Variants in OPN5 observed in about 807,000 individuals in gnomAD.
OPN5 encodes opsin-5.
In OPN5, 18 loss-of-function variants were observed where a neutral mutation model predicts 41.7. The ratio of observed to expected loss-of-function variants is 0.43; its 90% CI spans 0.30 to 0.64. The LOEUF (loss-of-function observed/expected upper bound fraction) is 0.64, where lower values mean the gene tolerates loss of function less well. Ranked by LOEUF, OPN5 falls within the 30% of genes least tolerant of loss-of-function variation. The pLI, the probability that OPN5 is intolerant of heterozygous loss-of-function variation, is 0.13. For missense variants in OPN5, 318 were observed against 434.5 expected (o/e 0.73, Z 2.38); for synonymous variants, 178 against 164.3 (o/e 1.08, Z -0.64).
chr6:47,786,712 C>A, intron 2 of OPN5, 78 bp downstream of exon 2: 1 of 1,248,280 alleles, frequency 8.0e-7, no homozygotes, highest in Non-Finnish European at 1.1e-6. Flanking sequence ...TCAAACGTCA[C>A]CCCCTGACAT....
downstream of OPN5, chr6:47,826,260 C>G (rs1324541311): frequency 6.6e-6 from 1 of 152,044 alleles, no homozygotes; most frequent in Admixed American, 6.6e-5. Flanking sequence ...CGAATGAGAT[C>G]CTGGGATTTC....
chr6:47,789,731 G>A (rs373698812), intron 2 of OPN5, among the ~76,000 whole-genome samples: 1 of 152,166 alleles, frequency 6.6e-6, no homozygotes, highest in Non-Finnish European at 1.5e-5. Flanking sequence ...GAACTAACAG[G>A]AACTCCTGAA....
chr6:47,784,251 G>A (rs1025405082), intron 1 of OPN5, among the ~76,000 whole-genome samples: 4 of 151,954 alleles, frequency 2.6e-5, no homozygotes, highest in African/African-American at 9.7e-5. Flanking sequence ...ACTTGGCCGT[G>A]TGTCTGGTTT....
intron 4 of OPN5, among the ~76,000 whole-genome samples, chr6:47,799,613 C>T (rs181394930): frequency 8.8e-4 from 134 of 152,302 alleles, no homozygotes; most frequent in African/African-American, 3.0e-3. Flanking sequence ...CCCACCCTTC[C>T]GCTGCAACCC....
chr6:47,822,168 A>G (rs1475654038), intron 6 of OPN5, among the ~76,000 whole-genome samples: 1 of 151,788 alleles, frequency 6.6e-6, no homozygotes, highest in Non-Finnish European at 1.5e-5. Flanking sequence ...TATACACTCC[A>G]CAGTTTGAGA....
chr6:47,797,249 C>A (rs1347823188), intron 4 of OPN5, among the ~76,000 whole-genome samples: 1 of 152,072 alleles, frequency 6.6e-6, no homozygotes, highest in Non-Finnish European at 1.5e-5. Flanking sequence ...GTAGAGGAAG[C>A]TTTGAGGGAT....
intron 6 of OPN5, among the ~76,000 whole-genome samples, chr6:47,813,087 A>T (rs942717420): frequency 1.5e-5 from 2 of 132,956 alleles, no homozygotes; most frequent in Non-Finnish European, 3.3e-5. Flanking sequence ...CAACAACAAC[A>T]ACAACAACAA....
At chr6:47,810,207 G>A (rs550855792) in intron 5 of OPN5, among the ~76,000 whole-genome samples, 9 of 152,252 alleles carry the variant, frequency 5.9e-5, no homozygotes, top group African/African-American at 1.2e-4. Context: ...GTCAGCTTTC[G>A]GGGAAAAAGC....
chr6:47,818,168 A>G (rs1236312903), intron 6 of OPN5, among the ~76,000 whole-genome samples: 1 of 152,162 alleles, frequency 6.6e-6, no homozygotes, highest in African/African-American at 2.4e-5. Flanking sequence ...TACACATCCA[A>G]ATGAATAAAA....
At chr6:47,793,241 T>C (rs1773443073) in intron 3 of OPN5, among the ~76,000 whole-genome samples, 1 of 152,196 alleles carries the variant, frequency 6.6e-6, no homozygotes, top group African/African-American at 2.4e-5. Context: ...TAAACCCTGA[T>C]ACCTCTGTTT....
At chr6:47,795,464 C>T (rs375529102) in exon 4 of OPN5, 149 of 1,613,848 alleles carry the variant, frequency 9.2e-5, no homozygotes, top group East Asian at 3.8e-4. Context: ...TGTTCTCCTA[C>T]GTAAAGATCA....
chr6:47,806,919 A>C (rs1019843619), intron 4 of OPN5, among the ~76,000 whole-genome samples: 1 of 152,132 alleles, frequency 6.6e-6, no homozygotes, highest in African/African-American at 2.4e-5. Flanking sequence ...GCACTTTGGG[A>C]AGCCGAGGTG....
exon 7 of OPN5, chr6:47,824,272 G>A (rs1158207666): frequency 3.0e-5 from 14 of 462,402 alleles, no homozygotes; most frequent in South Asian, 8.2e-5. Context: ...CCTCGGTCTC[G>A]TCAGTAAGGA....
intron 4 of OPN5, among the ~76,000 whole-genome samples, chr6:47,801,455 A>G (rs1773770297): frequency 2.0e-5 from 3 of 152,102 alleles, no homozygotes; most frequent in African/African-American, 7.2e-5. Flanking sequence ...CCCTTTTATA[A>G]CTCATCAAAT....
At chr6:47,790,923 A>C (rs1257878076) in intron 2 of OPN5, among the ~76,000 whole-genome samples, 3 of 152,212 alleles carry the variant, frequency 2.0e-5, no homozygotes, top group African/African-American at 7.2e-5. Flanking sequence ...TCCTAGAAGG[A>C]TGCAGCTTCC....
intron 4 of OPN5, among the ~76,000 whole-genome samples, chr6:47,799,551 G>C (rs1773692711): frequency 6.6e-6 from 1 of 152,116 alleles, no homozygotes; most frequent in African/African-American, 2.4e-5. Context: ...TTGCATCTTT[G>C]TTGTTCCAAC....
chr6:47,814,454 G>A (rs750466258), intron 6 of OPN5, among the ~76,000 whole-genome samples: 3 of 152,064 alleles, frequency 2.0e-5, no homozygotes, highest in Non-Finnish European at 2.9e-5. Context: ...TTAAATTGTC[G>A]GAGCTTTGGA....
chr6:47,810,750 A>G (rs987601907), intron 5 of OPN5, among the ~76,000 whole-genome samples: 1 of 152,200 alleles, frequency 6.6e-6, no homozygotes, highest in African/African-American at 2.4e-5. Flanking sequence ...AAGTTGGTGA[A>G]CCAAAGGAAA....
At chr6:47,784,451 C>T (rs1339770117) in intron 1 of OPN5, among the ~76,000 whole-genome samples, 1 of 152,162 alleles carries the variant, frequency 6.6e-6, no homozygotes, top group African/African-American at 2.4e-5. Context: ...TGTGCACCAC[C>T]ATGCTTGGCT....
Sources: gnomAD v4.1 joint callset for allele counts (sites outside exome capture counted in the v4.1 genomes callset) on GRCh38, gnomAD v4.1.1 for gene constraint, MANE v1.5 for transcripts, NCBI Gene and HGNC (gene_info 2026-07-23, HGNC 2026-07-21) for gene names.